The following CC2D2A variants were observed in gnomAD, a reference collection of about 807,000 sequenced individuals.
CC2D2A encodes coiled-coil and C2 domain containing 2A, also known as coiled-coil and C2 domain-containing protein 2A.
Under a neutral mutation model 212.9 loss-of-function variants are expected in CC2D2A, and 155 were observed. That is an observed-to-expected ratio of 0.73 (90% CI 0.64 to 0.83). CC2D2A has a LOEUF of 0.83. Ranked by LOEUF, CC2D2A falls within the 40% of genes least tolerant of loss-of-function variation. The pLI, the probability that CC2D2A is intolerant of heterozygous loss-of-function variation, is 0.00. For synonymous variants in CC2D2A, 667 were observed against 686.5 expected (o/e 0.97, Z 0.44); for missense variants, 1,856 against 1,956.2 (o/e 0.95, Z 0.97).
chr4:15,601,175 TA>T, intron 36 of CC2D2A, 61 bp from the exon 37 acceptor site: 1 of 1,326,290 alleles, frequency 7.5e-7, no homozygotes, highest in East Asian at 2.4e-5. Context: ...TACATTTACG[TA>T]GGAAAAAATG....
intron 32 of CC2D2A, among the ~76,000 whole-genome samples, chr4:15,588,272 G>C (rs1422359797): frequency 6.6e-6 from 1 of 152,106 alleles, no homozygotes; most frequent in Non-Finnish European, 1.5e-5. Flanking sequence ...TTCATGCTTT[G>C]CAATGAAGAG....
Position 15,514,862 on chromosome 4 carries a change from G to A in CC2D2A, c.873G>A (p.Arg291=), listed in dbSNP as rs1295547397. The A allele has an allele frequency of 3.7e-6, 6 of 1,613,332 alleles. No homozygotes were observed. In the East Asian group the frequency reaches 1.3e-4, roughly 36 times the overall value. Residue 291 remains arginine, a synonymous_variant, in exon 9 of 37, where the codon AGG becomes AGA. Coordinates refer to ENST00000424120, the MANE Select transcript of CC2D2A (RefSeq NM_001378615.1). ...MEREMLFIPS[R]QTVPTYKKLP... Reference sequence around the variant, plus strand: ...GAGAAATGCTCTTCATACCCAGTAGGCAGACAGGTACTTGCTCTTTTTATT... The same window carrying A: ...GAGAAATGCTCTTCATACCCAGTAGACAGACAGGTACTTGCTCTTTTTATT...
intron 11 of CC2D2A, among the ~76,000 whole-genome samples, chr4:15,520,933 C>A (rs1717166367): frequency 6.6e-6 from 1 of 152,136 alleles, no homozygotes; most frequent in Admixed American, 6.5e-5. Context: ...TCTTGGGAAG[C>A]AGCCAGTAGG....
At chr4:15,524,156 C>G (rs1328342665) in intron 11 of CC2D2A, among the ~76,000 whole-genome samples, 3 of 152,158 alleles carry the variant, frequency 2.0e-5, no homozygotes, top group Non-Finnish European at 4.4e-5. Flanking sequence ...TGTTTTGAGA[C>G]ACAGCCTCGC....
chr4:15,478,669 A>C (rs1714402543), intron 2 of CC2D2A, 54 bp from the exon 3 acceptor site: 2 of 1,372,404 alleles, frequency 1.5e-6, no homozygotes, highest in African/African-American at 2.9e-5. Flanking sequence ...AATACCTAAA[A>C]GTCATACCTC....
At chr4:15,557,149 A>G (rs1719324219) in intron 20 of CC2D2A, among the ~76,000 whole-genome samples, 155 bp from the exon 21 acceptor site, 1 of 152,218 alleles carries the variant, frequency 6.6e-6, no homozygotes. Context: ...AAATGAATAT[A>G]ATAGCATGTG....
At chr4:15,537,822 A>G in intron 15 of CC2D2A, 77 bp from the exon 16 acceptor site, 1 of 1,451,808 alleles carries the variant, frequency 6.9e-7, no homozygotes, top group Non-Finnish European at 9.4e-7. Flanking sequence ...ATCCAGGTCC[A>G]TCTGGCTATG....
rs553315940 is a variant in CC2D2A at position 15,539,184 on chromosome 4, A to C, written c.2003+1047A>C. Among the ~76,000 whole-genome samples the C allele has an allele frequency of 2.6e-5, 4 of 152,334 alleles. No homozygotes were observed. In the South Asian group the frequency reaches 8.3e-4, roughly 32 times the overall value. ...ATAATTTTAAAAAAGAAAGAAATGC[A>C]AGCTCACAAGTTCTACCTGAGACTT... On this transcript the variant is annotated intron_variant, in intron 16 of 36. Coordinates refer to ENST00000424120, the MANE Select transcript of CC2D2A (RefSeq NM_001378615.1).
At chr4:15,472,317 G>T (rs921443257) in intron 1 of CC2D2A, among the ~76,000 whole-genome samples, 12 of 152,174 alleles carry the variant, frequency 7.9e-5, no homozygotes, top group Admixed American at 7.2e-4. Context: ...TCTATAGTTA[G>T]CACAAAATAA....
chr4:15,491,854 G>C (rs1577321247), intron 4 of CC2D2A, among the ~76,000 whole-genome samples: 2 of 151,870 alleles, frequency 1.3e-5, no homozygotes, highest in African/African-American at 2.4e-5. Context: ...TTTTCTTAAT[G>C]GTGTCTTTGA....
intron 4 of CC2D2A, chr4:15,481,080 C>T (rs1714609449): frequency 2.1e-6 from 1 of 472,534 alleles, no homozygotes; most frequent in East Asian, 5.4e-5. Flanking sequence ...TGAAATGTGA[C>T]CTTCAATGTT....
intron 5 of CC2D2A, 78 bp downstream of exon 5, chr4:15,502,595 C>A: frequency 7.8e-7 from 1 of 1,276,162 alleles, no homozygotes; most frequent in Non-Finnish European, 1.1e-6. Context: ...TTTTTATGCT[C>A]CAAACTGCAT....
Position 15,561,061 on chromosome 4 carries a change from T to G in CC2D2A, c.3014+439T>G, listed in dbSNP as rs149642836. 3.2e-3 allele frequency among the ~76,000 whole-genome samples: 492 copies of G among 152,330 alleles called. 7 individuals carry two copies. Among genetic ancestry groups the G allele is most frequent in the African/African-American group, 0.011 (473 of 41,570 alleles). Reference sequence around the variant, plus strand: ...TCTGGGGTGGACGAGGAAACCTGGTTGCAGCACCACAGCTGGTGGGCAGAG... The same window carrying G: ...TCTGGGGTGGACGAGGAAACCTGGTGGCAGCACCACAGCTGGTGGGCAGAG... On this transcript the variant is annotated intron_variant, in intron 23 of 36. Coordinates refer to ENST00000424120, the MANE Select transcript of CC2D2A (RefSeq NM_001378615.1).
Position 15,557,423 on chromosome 4 carries a change from T to G in CC2D2A, c.2745T>G (p.His915Gln). ...GATCCAAACGATTTAGGCTTCTTCA[T>G]CTTAGAAGCCAAGAGGTGCCAGAAT... ...LNRSKRFRLL[H>Q]LRSQEVPEFR... Residue 915 changes from histidine (H) to glutamine (Q), a missense_variant, in exon 21 of 37, where the codon CAT becomes CAG. Physicochemically the swap from His to Gln is conservative, Grantham distance 24. Coordinates refer to ENST00000424120, the MANE Select transcript of CC2D2A (RefSeq NM_001378615.1). 1 of 1,612,972 alleles carries G rather than the reference T, an allele frequency of 6.2e-7. No homozygotes were observed. Among genetic ancestry groups the G allele is most frequent in the Non-Finnish European group, 8.5e-7 (1 of 1,179,192 alleles).
At chr4:15,553,534 C>T (rs557894864) in intron 19 of CC2D2A, among the ~76,000 whole-genome samples, 4 of 152,062 alleles carry the variant, frequency 2.6e-5, no homozygotes, top group African/African-American at 9.7e-5. Flanking sequence ...TATCGGTATT[C>T]GATACAGTGA....
intron 19 of CC2D2A, among the ~76,000 whole-genome samples, chr4:15,554,099 A>G (rs1241540357): frequency 6.6e-6 from 1 of 152,220 alleles, no homozygotes; most frequent in Non-Finnish European, 1.5e-5. Context: ...AAAAACCACA[A>G]GGAGATGCTG....
chr4:15,530,175 G>A (rs943772829), intron 13 of CC2D2A, among the ~76,000 whole-genome samples: 2 of 152,056 alleles, frequency 1.3e-5, no homozygotes, highest in Admixed American at 6.5e-5. Flanking sequence ...GTTTCACCGC[G>A]TTAGCCAAGA....
rs1220006026 is a variant in CC2D2A at position 15,565,652 on chromosome 4, G to C, written c.3183-1725G>C. Among the ~76,000 whole-genome samples the C allele has an allele frequency of 2.6e-5, 4 of 152,094 alleles. No homozygotes were observed. In the East Asian group the frequency reaches 7.7e-4, roughly 29 times the overall value. ...ACCCAGGGTCTTGCTGTGTCACCCA[G>C]GCTGGAGTGCAGTGGTGCAATCACA... On this transcript the variant is annotated intron_variant, in intron 24 of 36. Coordinates refer to ENST00000424120, the MANE Select transcript of CC2D2A (RefSeq NM_001378615.1).
intron 24 of CC2D2A, among the ~76,000 whole-genome samples, chr4:15,565,610 T>A (rs1719846259): frequency 1.3e-5 from 2 of 152,222 alleles, no homozygotes; most frequent in Non-Finnish European, 1.5e-5. Context: ...TGGGGGTTTT[T>A]AAATTTTACT....
Sources: gnomAD v4.1 joint callset for allele counts (sites outside exome capture counted in the v4.1 genomes callset) on GRCh38, gnomAD v4.1.1 for gene constraint, MANE v1.5 for transcripts, NCBI Gene and HGNC (gene_info 2026-07-23, HGNC 2026-07-21) for gene names.